TXNRD1: variants seen among roughly 807,000 people sequenced by gnomAD.
TXNRD1 encodes thioredoxin reductase 1, cytoplasmic.
In TXNRD1, 57 loss-of-function variants were observed where a neutral mutation model predicts 80.3. The ratio of observed to expected loss-of-function variants is 0.71; its 90% CI spans 0.57 to 0.89. TXNRD1 has a LOEUF of 0.89. Among genes scored for constraint, TXNRD1 ranks in the 40% least tolerant of loss-of-function variants. The probability of loss-of-function intolerance (pLI) is 0.00; values close to 1 mark genes in which losing one functional copy is unlikely to be tolerated. For missense variants in TXNRD1, 730 were observed against 803.0 expected (o/e 0.91, Z 1.10); for synonymous variants, 291 against 285.2 (o/e 1.02, Z -0.20).
chr12:104,231,326 C>T (rs1030067405), intron 1 of TXNRD1, among the ~76,000 whole-genome samples: 1 of 152,032 alleles, frequency 6.6e-6, no homozygotes, highest in Non-Finnish European at 1.5e-5. Flanking sequence ...CTCCTGGGGT[C>T]GATAAGGGTC....
intron 13 of TXNRD1, among the ~76,000 whole-genome samples, chr12:104,328,984 A>G (rs930918151): frequency 4.6e-5 from 7 of 152,188 alleles, no homozygotes; most frequent in African/African-American, 1.7e-4. Context: ...CATTTTCCTT[A>G]CATTGGTTTC....
At chr12:104,242,686 G>A (rs1040346027) in intron 1 of TXNRD1, among the ~76,000 whole-genome samples, 13 of 152,004 alleles carry the variant, frequency 8.6e-5, no homozygotes, top group African/African-American at 2.2e-4. Flanking sequence ...CCTCTTCCAC[G>A]TTCCCTGTGG....
chr12:104,345,336 T>TG (rs2036455046), intron 16 of TXNRD1, among the ~76,000 whole-genome samples: 2 of 152,208 alleles, frequency 1.3e-5, no homozygotes, highest in Non-Finnish European at 2.9e-5. Context: ...GAGCCAGCTG[T>TG]GGTAGGCTGG....
At chr12:104,266,524 C>CAAAAAAAA (rs60829935) in intron 3 of TXNRD1, among the ~76,000 whole-genome samples, 1 of 111,516 alleles carries the variant, frequency 9.0e-6, no homozygotes, top group Non-Finnish European at 1.7e-5. Flanking sequence ...GAATTCATCT[C>CAAAAAAAA]AAAAAAAAAA....
intron 13 of TXNRD1, among the ~76,000 whole-genome samples, chr12:104,329,581 G>A (rs1245284777): frequency 6.6e-6 from 1 of 151,892 alleles, no homozygotes; most frequent in Non-Finnish European, 1.5e-5. Flanking sequence ...CTTGGGAGGT[G>A]AAGGCTGCAG....
At chr12:104,287,847 G>T (rs991752185) in intron 3 of TXNRD1, among the ~76,000 whole-genome samples, 1 of 152,204 alleles carries the variant, frequency 6.6e-6, no homozygotes, top group African/African-American at 2.4e-5. Flanking sequence ...CTGTTTCCCT[G>T]TCTGTAAGTT....
chr12:104,268,163 C>G (rs1477728422), intron 3 of TXNRD1, among the ~76,000 whole-genome samples: 1 of 145,096 alleles, frequency 6.9e-6, no homozygotes, highest in Admixed American at 7.0e-5. Context: ...GCCCCTTCCT[C>G]TTTCTCTCTG....
chr12:104,253,524 G>C lies in TXNRD1; in HGVS notation c.243+1846G>C, dbSNP rs545765934. Among the ~76,000 whole-genome samples, 286 of 152,248 alleles carry C rather than the reference G, an allele frequency of 1.9e-3. 1 individual carries two copies. The highest frequency in any genetic ancestry group is 6.5e-3 in the African/African-American group (268 of 41,534). ...CAAGTGCTAGAGAATTTAGAAGAGG[G>C]CTGGGCATTAGAAATCTGCTATGTA... On this transcript the variant is annotated intron_variant, in intron 2 of 16. Coordinates refer to ENST00000525566, the MANE Select transcript of TXNRD1 (RefSeq NM_001093771.3).
At chr12:104,309,943 G>A in intron 4 of TXNRD1, 1 of 1,536,052 alleles carries the variant, frequency 6.5e-7, no homozygotes. Flanking sequence ...CCGCCATGCT[G>A]CCAACAGGTA....
chr12:104,271,413 G>A (rs1435665614), intron 3 of TXNRD1, among the ~76,000 whole-genome samples: 9 of 151,996 alleles, frequency 5.9e-5, no homozygotes, highest in Admixed American at 1.3e-4. Context: ...TCCTGACCTC[G>A]TGATCTGCCC....
intron 1 of TXNRD1, among the ~76,000 whole-genome samples, chr12:104,246,959 G>T (rs2135700140): frequency 6.6e-6 from 1 of 152,272 alleles, no homozygotes; most frequent in Non-Finnish European, 1.5e-5. Flanking sequence ...AGTTTCAGTT[G>T]TTACAAGTGG....
chr12:104,348,215 G>A, intron 16 of TXNRD1, 138 bp from the exon 17 acceptor site: 1 of 709,142 alleles, frequency 1.4e-6, no homozygotes. Flanking sequence ...AGATATCCTT[G>A]ATCATACTAC....
At chr12:104,256,330 C>T (rs1412247611) in intron 2 of TXNRD1, among the ~76,000 whole-genome samples, 7 of 152,142 alleles carry the variant, frequency 4.6e-5, no homozygotes, top group Non-Finnish European at 1.0e-4. Context: ...ATGTGTTTTG[C>T]GTGCATCTTG....
intron 3 of TXNRD1, among the ~76,000 whole-genome samples, chr12:104,281,674 G>A (rs1427493539): frequency 1.3e-5 from 2 of 151,772 alleles, no homozygotes; most frequent in African/African-American, 2.4e-5. Flanking sequence ...CTGAAGTGCT[G>A]GGATTACAGA....
At chr12:104,303,767 C>G (rs2034746499) in intron 4 of TXNRD1, 2 of 1,180,076 alleles carry the variant, frequency 1.7e-6, no homozygotes, top group South Asian at 3.4e-5. Flanking sequence ...CTCTAACTGC[C>G]GCCACTTTCC....
At chr12:104,313,113 A>G in intron 5 of TXNRD1, 132 bp from the exon 6 acceptor site, 1 of 610,382 alleles carries the variant, frequency 1.6e-6, no homozygotes, top group East Asian at 2.9e-5. Flanking sequence ...ATGGTGTGTG[A>G]AGTACCCAGG....
At chr12:104,306,036 C>T (rs4601859) in intron 4 of TXNRD1, among the ~76,000 whole-genome samples, 72,030 of 151,796 alleles carry the variant, frequency 0.47, 17,784 homozygotes, top group East Asian at 0.62. Context: ...CCCAAGTAGC[C>T]GGGATTACAG....
chr12:104,228,622 A>T (rs1487592890), intron 1 of TXNRD1, among the ~76,000 whole-genome samples: 1 of 152,092 alleles, frequency 6.6e-6, no homozygotes, highest in Non-Finnish European at 1.5e-5. Context: ...CAAGAGTGAA[A>T]CTCTCTCTCA....
intron 4 of TXNRD1, chr12:104,304,260 C>G: frequency 6.2e-7 from 1 of 1,614,050 alleles, no homozygotes; most frequent in Non-Finnish European, 8.5e-7. Context: ...CAGTTAAACT[C>G]AGATATGAAC....
Sources: gnomAD v4.1 joint callset for allele counts (sites outside exome capture counted in the v4.1 genomes callset) on GRCh38, gnomAD v4.1.1 for gene constraint, MANE v1.5 for transcripts, NCBI Gene and HGNC (gene_info 2026-07-23, HGNC 2026-07-21) for gene names.